Variants in SYNE1 observed in about 807,000 individuals in gnomAD.
The protein encoded by SYNE1 is nesprin-1.
Under a neutral mutation model 1,111.0 loss-of-function variants are expected in SYNE1, and 616 were observed. That is an observed-to-expected ratio of 0.55 (90% CI 0.52 to 0.59). The LOEUF is 0.59. Among genes scored for constraint, SYNE1 ranks in the 20% least tolerant of loss-of-function variants. The pLI, the probability that SYNE1 is intolerant of heterozygous loss-of-function variation, is 0.00. For synonymous variants in SYNE1, 3,855 were observed against 3,825.8 expected, an observed-to-expected ratio of 1.01 and a Z score of -0.28; for missense variants, 10,006 against 10,417.0, an observed-to-expected ratio of 0.96 and a Z score of 1.72.
rs764286549 is a variant in SYNE1, at chr6:152,249,282, GA to G, written c.19471-21del. 1.2e-5 allele frequency: 17 copies of G among 1,388,494 alleles called. No individual in the cohort carries two copies. In the African/African-American group the frequency reaches 2.4e-4, roughly 20 times the overall value. The allele number at this position is 1,388,494 out of a possible 1,614,324, so 86.0% of individuals were successfully genotyped here. On this transcript the variant is annotated intron_variant, in intron 104 of 145. Coordinates refer to ENST00000367255, the MANE Select transcript of SYNE1 (RefSeq NM_182961.4). Reference sequence around the variant, plus strand: ...ATCATTCTAAGGAGGAAAGCAACGGGAAAACTCAAAATGTGTAACAGGGAAT... The same window carrying G: ...ATCATTCTAAGGAGGAAAGCAACGGGAAACTCAAAATGTGTAACAGGGAAT...
In SYNE1 at chr6:152,358,447, GT is replaced by G. The variant is rs760101055; in HGVS notation, c.10533del (p.Glu3511AspfsTer39). 1.9e-6 allele frequency: 3 copies of G among 1,614,172 alleles called. No homozygotes were observed. Among genetic ancestry groups the G allele is most frequent in the Non-Finnish European group, 2.5e-6 (3 of 1,180,024 alleles). On this transcript the variant is annotated frameshift_variant, in exon 66 of 146. Coordinates refer to ENST00000367255, the MANE Select transcript of SYNE1 (RefSeq NM_182961.4). LOFTEE classifies it high-confidence loss of function. ...LKAFEVWLGQ[E>X]QEKLDQYSVL... ...ACTGAATACTGGTCGAGCTTTTCTT[GT>G]TCTTGCCCCAACCAAACTTCAAATG...
chr6:152,300,843 T>A, intron 92 of SYNE1, 62 bp from the exon 93 acceptor site: 2 of 1,612,910 alleles, frequency 1.2e-6, no homozygotes, highest in African/African-American at 2.7e-5. Flanking sequence ...ACATAAGTCC[T>A]GTTCAGGCAC....
intron 140 of SYNE1, among the ~76,000 whole-genome samples, chr6:152,139,298 C>T (rs762437750): frequency 2.0e-5 from 3 of 152,058 alleles, no homozygotes; most frequent in Non-Finnish European, 2.9e-5. Flanking sequence ...TGGCCGGGCA[C>T]GGTGGCTCAT....
Position 152,502,649 on chromosome 6 carries a change from T to C in SYNE1, c.872A>G (p.Asp291Gly), listed in dbSNP as rs1170953369. 3 of 1,613,344 alleles carry C rather than the reference T, an allele frequency of 1.9e-6. No individual in the cohort carries two copies. Residue 291 changes from aspartate to glycine, a missense_variant, in exon 10 of 146, where the codon GAT becomes GGT. By Grantham distance (94) the Asp-to-Gly change is moderately conservative (BLOSUM62 -1). This residue lies in a region of SYNE1 where 1,971 missense variants were observed against 2,084.1 expected (regional missense o/e 0.95). Transcript: ENST00000367255. ...HYPDIHNAST[D>G]GQEDDEILPG... ...AATACCTACATCATCCTCTTGCCCA[T>C]CAGTGCTTGCATTGTGGATGTCAGG...
intron 12 of SYNE1, among the ~76,000 whole-genome samples, chr6:152,485,514 C>T (rs2098934559): frequency 1.3e-5 from 2 of 152,150 alleles, no homozygotes; most frequent in African/African-American, 4.8e-5. Flanking sequence ...ACCATGTTTA[C>T]ATGATAATCC....
chr6:152,185,262 A>G (rs542604163), intron 128 of SYNE1: 24 of 152,406 alleles, frequency 1.6e-4, no homozygotes, highest in African/African-American at 5.0e-4. Context: ...CTGCCCTGCA[A>G]TGTTTACTCA....
At position 152,491,066 on chromosome 6, in the gene SYNE1, C is replaced by T. The variant is rs373655123; in HGVS notation, c.940-2563G>A. On this transcript the variant is annotated intron_variant, in intron 11 of 145. Coordinates refer to ENST00000367255, the MANE Select transcript of SYNE1 (RefSeq NM_182961.4). The stretch of plus-strand genomic sequence containing the variant: ...CAGTCTTCCCTTGGTGTTTAATCAC[C>T]GTGTGGATGCCTGCCCTGATCATTC... Among the ~76,000 whole-genome samples, 264 of 152,250 alleles carry T rather than the reference C, an allele frequency of 1.7e-3. 1 individual carries two copies. Among genetic ancestry groups the T allele is most frequent in the African/African-American group, 6.0e-3 (250 of 41,548 alleles).
rs774469372 is a variant in SYNE1, at chr6:152,367,358, T to C, written c.9832A>G (p.Ile3278Val). Reference protein sequence around the residue: ...TKEKVSRLDRIVAEHNQFSLG... With the variant: ...TKEKVSRLDRVVAEHNQFSLG... ...GAGAACTGATTGTGTTCTGCAACGA[T>C]TCTATCCAGTCTTGACACTTTCTCC... Residue 3278 changes from isoleucine (I) to valine (V), a missense_variant, in exon 62 of 146, where the codon ATC becomes GTC. Transcript: ENST00000367255. 40 of 1,614,056 alleles carry C rather than the reference T, an allele frequency of 2.5e-5. No homozygotes were observed. The highest frequency in any genetic ancestry group is 3.1e-5 in the Non-Finnish European group (36 of 1,180,046).
intron 21 of SYNE1, among the ~76,000 whole-genome samples, chr6:152,461,108 G>A (rs2098731571): frequency 6.6e-6 from 1 of 152,148 alleles, no homozygotes; most frequent in African/African-American, 2.4e-5. Context: ...ACTGCACCTG[G>A]CCTAAATGTA....
intron 6 of SYNE1, among the ~76,000 whole-genome samples, chr6:152,515,221 CA>C (rs543960619): frequency 9.7e-4 from 98 of 100,666 alleles, no homozygotes; most frequent in Admixed American, 1.3e-3. Flanking sequence ...GAGTCTGTCT[CA>C]AAAAAAAAAA....
intron 84 of SYNE1, 105 bp downstream of exon 84, chr6:152,321,133 C>G: frequency 7.7e-7 from 1 of 1,303,008 alleles, no homozygotes; most frequent in Non-Finnish European, 1.1e-6. Context: ...TTTTTTTTAA[C>G]TCTGTCTCCA....
intron 144 of SYNE1, among the ~76,000 whole-genome samples, chr6:152,131,329 T>TAAAAAAAAAAAAAAAAAAAA (rs34061887): frequency 7.0e-6 from 1 of 141,860 alleles, no homozygotes. Context: ...GTGAATGTAG[T>TAAAAAAAAAAAAAAAAAAAA]AAAAAAAAAA....
chr6:152,347,467 C>T lies in SYNE1; in HGVS notation c.11902-232G>A, dbSNP rs535179408. Among the ~76,000 whole-genome samples, 6 of 152,166 alleles carry T rather than the reference C, an allele frequency of 3.9e-5. No individual in the cohort carries two copies. The East Asian group carries it at 1.2e-3, about 29-fold the overall frequency. ...AGTTACATAAGGAATGATGAAGTAA[C>T]CTTTAACACTAGAATGTGTTCATGG... is the stretch of plus-strand genomic sequence containing the variant. On this transcript the variant is annotated intron_variant, in intron 72 of 145. Transcript: ENST00000367255.
intron 16 of SYNE1, among the ~76,000 whole-genome samples, chr6:152,469,209 A>G (rs931541453): frequency 6.6e-6 from 1 of 152,122 alleles, no homozygotes; most frequent in African/African-American, 2.4e-5. Flanking sequence ...ATAATGAATG[A>G]TTTTCCATAA....
At chr6:152,268,584 T>A (rs2092936500) in intron 99 of SYNE1, among the ~76,000 whole-genome samples, 2 of 152,298 alleles carry the variant, frequency 1.3e-5, no homozygotes, top group African/African-American at 4.8e-5. Flanking sequence ...CTTTAATTCT[T>A]CATTATTTAT....
chr6:152,423,424 T>C (rs147075702), intron 39 of SYNE1, among the ~76,000 whole-genome samples: 3 of 152,304 alleles, frequency 2.0e-5, no homozygotes, highest in African/African-American at 7.2e-5. Flanking sequence ...CTCAGCCCTA[T>C]AATCCCCCCA....
At chr6:152,467,970 T>G (rs897450840) in intron 16 of SYNE1, among the ~76,000 whole-genome samples, 3 of 152,132 alleles carry the variant, frequency 2.0e-5, no homozygotes, top group Non-Finnish European at 2.9e-5. Context: ...AAAATACAAA[T>G]GCATGTTTAA....
chr6:152,270,335 C>T (rs370718714), intron 98 of SYNE1, among the ~76,000 whole-genome samples: 44 of 152,224 alleles, frequency 2.9e-4, no homozygotes, highest in African/African-American at 9.4e-4. Flanking sequence ...CTTAATTGAG[C>T]CTTGAGAGGT....
chr6:152,544,254 C>T (rs192083073), intron 3 of SYNE1, among the ~76,000 whole-genome samples: 11 of 152,208 alleles, frequency 7.2e-5, no homozygotes, highest in African/African-American at 2.4e-4. Flanking sequence ...TGATTTAAGA[C>T]CAGTTTTTGG....
Sources: gnomAD v4.1 joint callset for allele counts (sites outside exome capture counted in the v4.1 genomes callset) on GRCh38, gnomAD v4.1.1 for gene constraint, gnomAD v4.1.1 regional missense constraint, MANE v1.5 for transcripts, NCBI Gene and HGNC (gene_info 2026-07-23, HGNC 2026-07-21) for gene names.